Variants in NR2C1 observed in about 807,000 individuals in gnomAD.
The protein encoded by NR2C1 is TR2 nuclear hormone receptor.
Under a neutral mutation model 74.8 loss-of-function variants are expected in NR2C1, and 33 were observed. The observed-to-expected ratio is 0.44, with a 90% CI of 0.33 to 0.59. The LOEUF is 0.59. Ranked by LOEUF, NR2C1 falls within the 20% of genes least tolerant of loss-of-function variation. The pLI is 0.02. For synonymous variants in NR2C1, 225 were observed against 240.6 expected, an observed-to-expected ratio of 0.94 and a Z score of 0.60; for missense variants, 568 against 715.6, an observed-to-expected ratio of 0.79 and a Z score of 2.35.
chr12:95,060,014 A>G, intron 3 of NR2C1, 30 bp from the exon 4 acceptor site: 2 of 1,500,110 alleles, frequency 1.3e-6, no homozygotes, highest in Non-Finnish European at 8.9e-7. Context: ...AAAAGAAAAC[A>G]AAAACGAAAA....
At chr12:95,024,239 A>C (rs1869086972) in intron 13 of NR2C1, among the ~76,000 whole-genome samples, 1 of 152,206 alleles carries the variant, frequency 6.6e-6, no homozygotes, top group Non-Finnish European at 1.5e-5. Flanking sequence ...ATTATAAACA[A>C]ACACACTTAT....
At chr12:95,030,557 A>C in intron 11 of NR2C1, 2 of 1,612,814 alleles carry the variant, frequency 1.2e-6, no homozygotes, top group Non-Finnish European at 1.7e-6. Context: ...GGAGTCCATA[A>C]GTAAGATGGG....
chr12:95,068,593 G>A (rs1487167751), intron 1 of NR2C1, among the ~76,000 whole-genome samples: 1 of 152,142 alleles, frequency 6.6e-6, no homozygotes, highest in East Asian at 1.9e-4. Context: ...TCAGGAGTTT[G>A]AGACTAGCCT....
At chr12:95,036,891 A>G (rs61935759) in intron 10 of NR2C1, among the ~76,000 whole-genome samples, 18,018 of 152,236 alleles carry the variant, frequency 0.12, 1,700 homozygotes, top group African/African-American at 0.26. Flanking sequence ...AAAGGAATAT[A>G]ACTTTTGAGC....
At position 95,056,774 on chromosome 12, in the gene NR2C1, A is replaced by T. The variant is rs993258600; in HGVS notation, c.783+779T>A. On this transcript the variant is annotated intron_variant, in intron 7 of 13. Transcript: ENST00000333003. ...GCGATCGAGACCATCCTGGCTAACAAGGTGAAACCCCGTCTCTACTAAAAA... is the reference window on the plus strand; with the variant it reads ...GCGATCGAGACCATCCTGGCTAACATGGTGAAACCCCGTCTCTACTAAAAA... Among the ~76,000 whole-genome samples the T allele has an allele frequency of 1.1e-4, 16 of 152,060 alleles. No homozygotes were observed. The East Asian group carries it at 3.1e-3, about 30-fold the overall frequency.
chr12:95,066,954 A>C (rs966450914), intron 2 of NR2C1: 1 of 198,500 alleles, frequency 5.0e-6, no homozygotes, highest in African/African-American at 2.4e-5. Context: ...CATTTAAAAA[A>C]ATGAAGATGT....
In NR2C1 at chr12:95,046,993, A is replaced by C. The variant is rs2162330; in HGVS notation, c.1131+2075T>G. ...ATGACAAAAGCCAATCCTAAGAAGAAAAAAAAGTTGTAATTTGCCAAATTC... is the reference window on the plus strand; with the variant it reads ...ATGACAAAAGCCAATCCTAAGAAGACAAAAAAGTTGTAATTTGCCAAATTC... On this transcript the variant is annotated intron_variant, in intron 9 of 13. Transcript: ENST00000333003. 8.2e-3 allele frequency among the ~76,000 whole-genome samples: 1,256 copies of C among 152,292 alleles called. 53 individuals are homozygous for C. The highest frequency in any genetic ancestry group is 0.07 in the Admixed American group (1,066 of 15,300).
In NR2C1 at chr12:95,057,778, G is replaced by C; in HGVS notation, c.645C>G (p.Ser215Arg). The change falls in exon 6 of 14, where the codon AGC (serine) becomes AGG (arginine). Residue 215 changes from serine (S) to arginine (R), a missense_variant. By Grantham distance (110) the Ser-to-Arg change is moderately radical. Coordinates refer to ENST00000333003, the MANE Select transcript of NR2C1 (RefSeq NM_003297.4). Reference protein sequence around the residue: ...EKIYIRKDLRSPLTATPTFVT... With the variant: ...EKIYIRKDLRRPLTATPTFVT... Reference sequence around the variant, plus strand: ...CAAAAGTTGGAGTTGCAGTTAATGGGCTACGAAGGTCCTTTCGGATATAGA... The same window carrying C: ...CAAAAGTTGGAGTTGCAGTTAATGGCCTACGAAGGTCCTTTCGGATATAGA... 1 of 1,614,132 alleles carries C rather than the reference G, an allele frequency of 6.2e-7. No individual in the cohort carries two copies. Among genetic ancestry groups the C allele is most frequent in the South Asian group, 1.1e-5 (1 of 91,074 alleles).
intron 7 of NR2C1, among the ~76,000 whole-genome samples, chr12:95,052,700 T>C (rs187693827): frequency 6.6e-6 from 1 of 152,170 alleles, no homozygotes; most frequent in East Asian, 1.9e-4. Context: ...TGATCCTCCC[T>C]GCCTCAGCCT....
intron 10 of NR2C1, among the ~76,000 whole-genome samples, chr12:95,039,707 T>C (rs576614723): frequency 1.3e-5 from 2 of 152,328 alleles, no homozygotes; most frequent in Admixed American, 1.3e-4. Flanking sequence ...TCATGGCTTA[T>C]TTCAGCCTCG....
intron 10 of NR2C1, among the ~76,000 whole-genome samples, chr12:95,031,708 A>G (rs1234868500): frequency 6.6e-6 from 1 of 152,222 alleles, no homozygotes; most frequent in Non-Finnish European, 1.5e-5. Context: ...GCCAGTTTAT[A>G]AGAACAATTG....
intron 4 of NR2C1, among the ~76,000 whole-genome samples, chr12:95,058,692 T>C (rs888047447): frequency 2.0e-5 from 3 of 152,228 alleles, no homozygotes; most frequent in Non-Finnish European, 2.9e-5. Context: ...GGCTGAAGTG[T>C]AATGGTGCGA....
intron 7 of NR2C1, among the ~76,000 whole-genome samples, chr12:95,055,553 T>C (rs1185656885): frequency 6.6e-6 from 1 of 152,248 alleles, no homozygotes. Context: ...AAGTGGTAGA[T>C]GAAATTTGAT....
At chr12:95,043,238 G>A (rs1179689500) in intron 9 of NR2C1, among the ~76,000 whole-genome samples, 1 of 152,092 alleles carries the variant, frequency 6.6e-6, no homozygotes, top group Admixed American at 6.6e-5. Flanking sequence ...TCCAGCCTGG[G>A]TGACAGAGCA....
At chr12:95,067,225 G>A in intron 2 of NR2C1, 106 bp downstream of exon 2, 4 of 880,068 alleles carry the variant, frequency 4.5e-6, no homozygotes, top group Non-Finnish European at 5.7e-6. Flanking sequence ...GCTATCTTAA[G>A]TTAGGGAATA....
intron 9 of NR2C1, among the ~76,000 whole-genome samples, chr12:95,045,844 T>TC (rs1481032620): frequency 6.6e-6 from 1 of 152,088 alleles, no homozygotes; most frequent in African/African-American, 2.4e-5. Context: ...AAAATCTTTT[T>TC]CTTTTTTTTT....
chr12:95,032,106 G>A (rs1336910581), intron 10 of NR2C1, among the ~76,000 whole-genome samples: 1 of 152,194 alleles, frequency 6.6e-6, no homozygotes, highest in Non-Finnish European at 1.5e-5. Context: ...GACCTCAGCT[G>A]ATCCGCCTGC....
chr12:95,049,145 G>A lies in NR2C1; in HGVS notation c.1054C>T (p.Leu352=), dbSNP rs762908707. ...TTTATGCTTGAATCTCCAGTGATTA[G>A]GTGTACACTTCCTTCCATGCCCGCT... ...SVAGMEGSVH[L]ITGDSSINYT... is the part of the protein sequence containing the mutation. Residue 352 remains leucine, a synonymous_variant, in exon 9 of 14, where the codon CTA becomes TTA. Coordinates refer to ENST00000333003, the MANE Select transcript of NR2C1 (RefSeq NM_003297.4). 1.2e-6 allele frequency: 2 copies of A among 1,613,860 alleles called. No individual in the cohort carries two copies. Among genetic ancestry groups the A allele is most frequent in the Non-Finnish European group, 1.7e-6 (2 of 1,179,816 alleles).
intron 3 of NR2C1, among the ~76,000 whole-genome samples, chr12:95,060,190 A>C (rs1207347288): frequency 6.6e-6 from 1 of 152,194 alleles, no homozygotes; most frequent in Non-Finnish European, 1.5e-5. Context: ...TTATAATGGC[A>C]TAAAGAGATA....
Sources: allele counts gnomAD v4.1 joint callset (sites outside exome capture counted in the v4.1 genomes callset), GRCh38; gene constraint gnomAD v4.1.1; transcripts MANE v1.5; gene names NCBI Gene and HGNC (gene_info 2026-07-23, HGNC 2026-07-21).